The following TEX9 variants were observed in gnomAD, a reference collection of about 807,000 sequenced individuals.
TEX9 encodes testis expressed 9, also known as testis-expressed protein 9.
TEX9 carries 74 observed loss-of-function variants against 59.6 expected under a neutral mutation model. The observed-to-expected ratio is 1.24, with a 90% CI of 1.03 to 1.51. TEX9 has a LOEUF of 1.51. TEX9 is among the 40% of genes most tolerant of loss of function. The pLI is 0.00. For missense variants in TEX9, 522 were observed against 447.8 expected, an observed-to-expected ratio of 1.17 and a Z score of -1.49; for synonymous variants, 186 against 152.2, an observed-to-expected ratio of 1.22 and a Z score of -1.64.
At chr15:56,365,639 C>T (rs1176157409) in exon 2 of TEX9, 7 of 1,614,072 alleles carry the variant, frequency 4.3e-6, no homozygotes, top group Admixed American at 1.7e-5. Context: ...TACACCTGGA[C>T]CCGACCTCCT....
Position 56,438,877 on chromosome 15 carries a change from G to A in TEX9, c.*30-6794G>A, listed in dbSNP as rs2050773145. Among the ~76,000 whole-genome samples the A allele has an allele frequency of 2.0e-5, 3 of 152,010 alleles. No homozygotes were observed. In the South Asian group the frequency reaches 6.2e-4, roughly 31 times the overall value. On this transcript the variant is annotated intron_variant, in intron 12 of 12. Transcript: ENST00000352903. ...AAAGAAGACATTTATGCAGCCAACA[G>A]ACAAGAACAGGAAAGGTGATGTCTA... is the stretch of plus-strand genomic sequence containing the variant.
At chr15:56,272,120 G>A (rs2044549151) in intron 1 of TEX9, among the ~76,000 whole-genome samples, 1 of 151,120 alleles carries the variant, frequency 6.6e-6, no homozygotes, top group African/African-American at 2.4e-5. Context: ...GTCCAGCCTG[G>A]GTGACAGAGC....
chr15:56,360,474 A>T (rs149931470), upstream of TEX9, among the ~76,000 whole-genome samples: 414 of 152,240 alleles, frequency 2.7e-3, 4 homozygotes, highest in African/African-American at 9.5e-3. Context: ...ATTTCATCTA[A>T]TTTATTAAAT....
chr15:56,272,115 G>T (rs1231613659), intron 1 of TEX9, among the ~76,000 whole-genome samples: 2 of 151,216 alleles, frequency 1.3e-5, no homozygotes, highest in African/African-American at 4.9e-5. Context: ...CTGCAGTCCA[G>T]CCTGGGTGAC....
intron 6 of TEX9, among the ~76,000 whole-genome samples, chr15:56,390,829 C>G (rs2142272618): frequency 6.6e-6 from 1 of 152,066 alleles, no homozygotes; most frequent in Admixed American, 6.6e-5. Flanking sequence ...CAGTTTTTCT[C>G]TAGAAGCGTG....
intron 1 of TEX9, among the ~76,000 whole-genome samples, chr15:56,338,093 A>G (rs1489301283): frequency 6.6e-6 from 1 of 152,156 alleles, no homozygotes; most frequent in Non-Finnish European, 1.5e-5. Context: ...GGAATCTGAA[A>G]TGACCAGGTG....
intron 1 of TEX9, among the ~76,000 whole-genome samples, chr15:56,246,238 C>G (rs2043853767): frequency 6.6e-6 from 1 of 152,216 alleles, no homozygotes; most frequent in Admixed American, 6.5e-5. Context: ...AGCGGCGGTG[C>G]TGACCGGAGT....
At chr15:56,249,402 A>T (rs2141286808) in intron 1 of TEX9, among the ~76,000 whole-genome samples, 1 of 140,630 alleles carries the variant, frequency 7.1e-6, no homozygotes, top group Non-Finnish European at 1.5e-5. Flanking sequence ...CTCCTTGAGG[A>T]GATGTTGCTA....
At chr15:56,446,487 T>A (rs1295888970), downstream of TEX9, among the ~76,000 whole-genome samples, 8 of 152,002 alleles carry the variant, frequency 5.3e-5, no homozygotes, top group African/African-American at 1.9e-4. Context: ...AGTAGTTTAC[T>A]CTTAAAAACA....
intron 2 of TEX9, 84 bp from the exon 3 acceptor site, chr15:56,373,357 T>A: frequency 7.6e-7 from 1 of 1,307,298 alleles, no homozygotes; most frequent in Non-Finnish European, 1.0e-6. Context: ...GTTGATTACG[T>A]CACTTGATAA....
intron 1 of TEX9, among the ~76,000 whole-genome samples, chr15:56,297,770 G>A (rs183065554): frequency 1.6e-4 from 24 of 152,322 alleles, no homozygotes; most frequent in Admixed American, 1.2e-3. Flanking sequence ...CTCCCAAAGC[G>A]CTGGGGTAAC....
chr15:56,356,166 G>T (rs2046680878), intron 1 of TEX9, among the ~76,000 whole-genome samples: 1 of 152,090 alleles, frequency 6.6e-6, no homozygotes, highest in African/African-American at 2.4e-5. Flanking sequence ...TCTTCAGTAT[G>T]ATTATAAATA....
chr15:56,403,102 CCAGTT>C (rs1271676417), intron 9 of TEX9, among the ~76,000 whole-genome samples: 1 of 152,240 alleles, frequency 6.6e-6, no homozygotes, highest in Non-Finnish European at 1.5e-5. Context: ...TCTCACCACT[CCAGTT>C]CAACATAGTG....
intron 10 of TEX9, among the ~76,000 whole-genome samples, chr15:56,415,989 T>G (rs12441166): frequency 0.13 from 19,801 of 151,560 alleles, 1,849 homozygotes; most frequent in East Asian, 0.37. Flanking sequence ...TTGTGGCAAG[T>G]GGGGATGGGA....
chr15:56,312,469 A>C (rs2045645218), intron 1 of TEX9, among the ~76,000 whole-genome samples: 1 of 146,878 alleles, frequency 6.8e-6, no homozygotes, highest in Non-Finnish European at 1.5e-5. Context: ...ATGCGGCATT[A>C]TTTCTGAGGG....
chr15:56,274,423 C>T (rs1473532094), intron 1 of TEX9: 2 of 152,128 alleles, frequency 1.3e-5, no homozygotes, highest in Non-Finnish European at 2.9e-5. Flanking sequence ...AGTTACTTGT[C>T]AGATAATTGT....
At chr15:56,352,387 G>T (rs1451046565) in intron 1 of TEX9, among the ~76,000 whole-genome samples, 7 of 151,998 alleles carry the variant, frequency 4.6e-5, no homozygotes, top group Non-Finnish European at 1.0e-4. Context: ...TGGGATTACA[G>T]GTGCCCACTA....
intron 1 of TEX9, among the ~76,000 whole-genome samples, chr15:56,296,294 C>T (rs771130641): frequency 1.3e-5 from 2 of 152,178 alleles, no homozygotes; most frequent in African/African-American, 4.8e-5. Context: ...CTGTGACATT[C>T]ATTCTAGTTT....
upstream of TEX9, among the ~76,000 whole-genome samples, chr15:56,361,505 A>G (rs546083868): frequency 6.6e-6 from 1 of 152,222 alleles, no homozygotes; most frequent in South Asian, 2.1e-4. Context: ...GTGGGTGTCC[A>G]GCTGTTTTGT....
Sources: gnomAD v4.1 joint callset for allele counts (sites outside exome capture counted in the v4.1 genomes callset) on GRCh38, gnomAD v4.1.1 for gene constraint, MANE v1.5 for transcripts, NCBI Gene and HGNC (gene_info 2026-07-23, HGNC 2026-07-21) for gene names.